The following HIPK2 variants were observed in gnomAD, a reference collection of about 807,000 sequenced individuals.
HIPK2 encodes homeodomain-interacting protein kinase 2.
A neutral mutation model predicts 113.7 loss-of-function variants in HIPK2; 27 were observed. The ratio of observed to expected loss-of-function variants is 0.24; its 90% confidence interval spans 0.17 to 0.33. The LOEUF is 0.33. Ranked by LOEUF, HIPK2 falls within the 10% of genes least tolerant of loss-of-function variation. The pLI, the probability that HIPK2 is intolerant of heterozygous loss-of-function variation, is 1.00. For synonymous variants in HIPK2, 631 were observed against 642.2 expected, an observed-to-expected ratio of 0.98 and a Z score of 0.26; for missense variants, 1,257 against 1,588.0, an observed-to-expected ratio of 0.79 and a Z score of 3.54.
At chr7:139,675,412 G>A (rs373616229) in intron 2 of HIPK2, among the ~76,000 whole-genome samples, 1 of 152,086 alleles carries the variant, frequency 6.6e-6, no homozygotes, top group African/African-American at 2.4e-5. Flanking sequence ...CTAGGCGCTT[G>A]GAGTCTGGGG....
At chr7:139,689,158 G>A (rs935107956) in intron 2 of HIPK2, among the ~76,000 whole-genome samples, 3 of 152,124 alleles carry the variant, frequency 2.0e-5, no homozygotes, top group East Asian at 1.9e-4. Context: ...ATGCAGCCAC[G>A]GACCCCACAG....
At chr7:139,743,489 T>A (rs944268593) in intron 1 of HIPK2, among the ~76,000 whole-genome samples, 1 of 152,210 alleles carries the variant, frequency 6.6e-6, no homozygotes, top group African/African-American at 2.4e-5. Flanking sequence ...CTTAGACATA[T>A]CTCTTTGTGG....
At chr7:139,602,521 G>A (rs908025473) in intron 10 of HIPK2, among the ~76,000 whole-genome samples, 3 of 152,018 alleles carry the variant, frequency 2.0e-5, no homozygotes, top group Admixed American at 2.0e-4. Context: ...ATTAGTAAGT[G>A]TATGTGTATT....
intron 2 of HIPK2, among the ~76,000 whole-genome samples, chr7:139,687,715 G>A (rs1218068041): frequency 6.6e-6 from 1 of 152,194 alleles, no homozygotes; most frequent in Non-Finnish European, 1.5e-5. Flanking sequence ...GAAAATACTA[G>A]TCTCCTGGAT....
chr7:139,712,292 A>T, intron 2 of HIPK2, among the ~76,000 whole-genome samples: 1 of 152,220 alleles, frequency 6.6e-6, no homozygotes, highest in East Asian at 1.9e-4. Context: ...GGCTCCGGGG[A>T]CACCACCTCC....
rs369036018 is a variant in HIPK2, at chr7:139,588,445, A to C, written c.2718-4381T>G. Among the ~76,000 whole-genome samples, 4 of 150,566 alleles carry C rather than the reference A, an allele frequency of 2.7e-5. No homozygotes were observed. In the East Asian group the frequency reaches 7.9e-4, roughly 30 times the overall value. On this transcript the variant is annotated intron_variant, in intron 12 of 14. Coordinates refer to ENST00000406875, the MANE Select transcript of HIPK2 (RefSeq NM_022740.5). ...GGTGGGAGAATTGCTTGAACCCAGG[A>C]GGTGAGGTTGTAGTGAGCTGAGATC...
At chr7:139,584,321 T>C (rs374047914) in intron 12 of HIPK2, among the ~76,000 whole-genome samples, 36 of 152,042 alleles carry the variant, frequency 2.4e-4, no homozygotes, top group Non-Finnish European at 3.7e-4. Flanking sequence ...GGGAGTGAGA[T>C]GCTTCCGGGC....
intron 13 of HIPK2, 159 bp downstream of exon 13, chr7:139,583,658 T>A (rs1798740390): frequency 9.5e-7 from 1 of 1,054,556 alleles, no homozygotes. Context: ...AGCAGAAGCC[T>A]CCCCTGGATA....
chr7:139,621,566 T>A (rs1256817190), intron 6 of HIPK2, among the ~76,000 whole-genome samples: 1 of 152,224 alleles, frequency 6.6e-6, no homozygotes, highest in Non-Finnish European at 1.5e-5. Flanking sequence ...TCAGAATTTA[T>A]ACAGCGCTTC....
intron 1 of HIPK2, among the ~76,000 whole-genome samples, chr7:139,720,315 G>C (rs1795370675): frequency 6.6e-6 from 1 of 152,020 alleles, no homozygotes; most frequent in Admixed American, 6.6e-5. Flanking sequence ...GACTTCCTAG[G>C]GGCAGTTCTG....
intron 10 of HIPK2, among the ~76,000 whole-genome samples, chr7:139,602,851 A>G (rs892311633): frequency 9.9e-5 from 15 of 152,238 alleles, no homozygotes; most frequent in Admixed American, 7.8e-4. Flanking sequence ...AATCCTGTGA[A>G]GCAGGCATTA....
rs1802255436 is a variant in HIPK2 at position 139,670,773 on chromosome 7, T to C, written c.1104-39048A>G. 2.4e-4 allele frequency among the ~76,000 whole-genome samples: 32 copies of C among 135,806 alleles called. No homozygotes were observed. The South Asian group carries it at 7.7e-3, about 33-fold the overall frequency. 89.1% of individuals were successfully genotyped at this position (135,806 alleles called of 152,430 possible). A position where few individuals can be genotyped will look rare whatever the true frequency, so the allele number is the denominator to read the frequency against. On this transcript the variant is annotated intron_variant, in intron 2 of 14. Transcript: ENST00000406875. Reference sequence around the variant, plus strand: ...TTTCTTTCTTTCTTTTTTTTTTTTTTTTTTTTTTGAGGCAGAGTCTTGCTC... The same window carrying C: ...TTTCTTTCTTTCTTTTTTTTTTTTTCTTTTTTTTGAGGCAGAGTCTTGCTC...
rs529014900 is a variant in HIPK2 at position 139,569,272 on chromosome 7, C to T, written c.*3655G>A. 3 of 152,354 alleles carry T rather than the reference C, an allele frequency of 2.0e-5. No individual in the cohort carries two copies. Among genetic ancestry groups the T allele is most frequent in the South Asian group, 4.1e-4 (2 of 4,824 alleles). The allele number at this position is 152,354 out of a possible 1,614,324, so 9.4% of individuals were successfully genotyped here. On this transcript the variant is annotated 3_prime_UTR_variant, in exon 15 of 15. Coordinates refer to ENST00000406875, the MANE Select transcript of HIPK2 (RefSeq NM_022740.5). ...GGGAAGGTACCACCTGCCAGTCACTCTTACGCCACCTCACTGTGCCCAGCA... is the reference window on the plus strand; with the variant it reads ...GGGAAGGTACCACCTGCCAGTCACTTTTACGCCACCTCACTGTGCCCAGCA...
At chr7:139,635,696 C>T (rs961755870) in intron 2 of HIPK2, among the ~76,000 whole-genome samples, 2 of 152,036 alleles carry the variant, frequency 1.3e-5, no homozygotes, top group Non-Finnish European at 2.9e-5. Flanking sequence ...GTACTGTCTG[C>T]GAAGGCCTCT....
At chr7:139,659,309 A>G (rs553731425) in intron 2 of HIPK2, among the ~76,000 whole-genome samples, 1 of 152,326 alleles carries the variant, frequency 6.6e-6, no homozygotes, top group African/African-American at 2.4e-5. Flanking sequence ...AAAAGCATTC[A>G]CAGATATGCC....
intron 12 of HIPK2, among the ~76,000 whole-genome samples, chr7:139,587,936 C>T (rs547968700): frequency 3.3e-5 from 5 of 152,102 alleles, no homozygotes; most frequent in Non-Finnish European, 5.9e-5. Context: ...CTGTAATTAG[C>T]ACTTGGGGAG....
chr7:139,600,688 G>T, intron 10 of HIPK2, 92 bp from the exon 11 acceptor site: 1 of 1,407,570 alleles, frequency 7.1e-7, no homozygotes, highest in South Asian at 1.3e-5. Context: ...ATTAAACGCT[G>T]ACTGCAGTTG....
At chr7:139,574,216 A>T (rs1441231536) in intron 14 of HIPK2, among the ~76,000 whole-genome samples, 2 of 151,994 alleles carry the variant, frequency 1.3e-5, no homozygotes, top group Non-Finnish European at 2.9e-5. Flanking sequence ...TCTACAAAAA[A>T]TTTTGAAAAT....
intron 2 of HIPK2, among the ~76,000 whole-genome samples, chr7:139,689,344 T>C (rs1569474945): frequency 6.6e-6 from 1 of 152,236 alleles, no homozygotes; most frequent in Non-Finnish European, 1.5e-5. Flanking sequence ...CTTGAAGTTC[T>C]CAGGATTAAG....
Sources: allele counts gnomAD v4.1 joint callset (sites outside exome capture counted in the v4.1 genomes callset), GRCh38; gene constraint gnomAD v4.1.1; transcripts MANE v1.5; gene names NCBI Gene and HGNC (gene_info 2026-07-23, HGNC 2026-07-21).